Variants in LCLAT1 observed in about 807,000 individuals in gnomAD.
LCLAT1 encodes the protein lysocardiolipin acyltransferase 1, also known as 1-AGP acyltransferase 8.
Under a neutral mutation model 30.7 loss-of-function variants are expected in LCLAT1, and 11 were observed. The ratio of observed to expected loss-of-function variants is 0.36; its 90% CI spans 0.23 to 0.59. LCLAT1 has a LOEUF of 0.59. Among genes scored for constraint, LCLAT1 ranks in the 20% least tolerant of loss-of-function variants. The pLI is 0.77. For synonymous variants in LCLAT1, 155 were observed against 151.3 expected, an observed-to-expected ratio of 1.02 and a Z score of -0.18; for missense variants, 402 against 458.6, an observed-to-expected ratio of 0.88 and a Z score of 1.13.
chr2:30,561,392 G>A (rs1665213709), intron 3 of LCLAT1, among the ~76,000 whole-genome samples: 2 of 152,142 alleles, frequency 1.3e-5, no homozygotes, highest in Non-Finnish European at 2.9e-5. Flanking sequence ...TCCTGTGTTT[G>A]TCCATGCTCT....
intron 1 of LCLAT1, among the ~76,000 whole-genome samples, chr2:30,488,829 C>A (rs1683689618): frequency 6.6e-6 from 1 of 152,172 alleles, no homozygotes; most frequent in African/African-American, 2.4e-5. Flanking sequence ...TGTCTGTTTC[C>A]AATATCATTA....
intron 3 of LCLAT1, among the ~76,000 whole-genome samples, chr2:30,536,986 C>T (rs372273891): frequency 1.3e-5 from 2 of 151,544 alleles, no homozygotes; most frequent in Non-Finnish European, 2.9e-5. Flanking sequence ...TGACTTCACC[C>T]GTGAAGAAAC....
intron 5 of LCLAT1, among the ~76,000 whole-genome samples, chr2:30,584,086 CATT>C (rs908197483): frequency 6.6e-6 from 1 of 152,100 alleles, no homozygotes; most frequent in Non-Finnish European, 1.5e-5. Flanking sequence ...CATGTGTTCT[CATT>C]GTTCAACTCC....
At chr2:30,599,519 A>ATCTT (rs1390321715) in intron 5 of LCLAT1, among the ~76,000 whole-genome samples, 1 of 152,136 alleles carries the variant, frequency 6.6e-6, no homozygotes, top group Non-Finnish European at 1.5e-5. Context: ...AGTCCTAAAT[A>ATCTT]TCTTTGTTAA....
intron 1 of LCLAT1, among the ~76,000 whole-genome samples, chr2:30,448,844 G>A (rs1681398693): frequency 1.3e-5 from 2 of 150,972 alleles, no homozygotes; most frequent in African/African-American, 4.8e-5. Context: ...TTCACTATTG[G>A]TGTCTTATCT....
chr2:30,543,288 A>G (rs914146108), intron 3 of LCLAT1, among the ~76,000 whole-genome samples: 3 of 152,140 alleles, frequency 2.0e-5, no homozygotes, highest in Non-Finnish European at 2.9e-5. Context: ...CTGATGGTAA[A>G]CTAACCTTAC....
intron 3 of LCLAT1, among the ~76,000 whole-genome samples, chr2:30,539,392 A>G (rs1451520356): frequency 6.6e-6 from 1 of 151,316 alleles, no homozygotes; most frequent in Admixed American, 6.6e-5. Flanking sequence ...AGCTAAAACT[A>G]TTAATCCAAG....
intron 1 of LCLAT1, among the ~76,000 whole-genome samples, chr2:30,474,073 A>T (rs1347925001): frequency 6.6e-6 from 1 of 152,204 alleles, no homozygotes; most frequent in African/African-American, 2.4e-5. Flanking sequence ...TGTTAAAGAA[A>T]AACTCATAAT....
intron 1 of LCLAT1, chr2:30,447,625 C>T (rs924082876): frequency 1.3e-5 from 2 of 152,472 alleles, no homozygotes; most frequent in African/African-American, 4.8e-5. Flanking sequence ...TGGAGGCTGG[C>T]TGAGGCGTCA....
At chr2:30,581,378 A>G (rs531926565) in intron 5 of LCLAT1, among the ~76,000 whole-genome samples, 7 of 152,316 alleles carry the variant, frequency 4.6e-5, no homozygotes, top group African/African-American at 1.4e-4. Context: ...GTCTTCTACA[A>G]CAGTTGAACC....
chr2:30,459,874 T>C, intron 1 of LCLAT1: 1 of 546,018 alleles, frequency 1.8e-6, no homozygotes, highest in South Asian at 2.7e-5. Context: ...CATTGAAAAA[T>C]AAGCATTCAT....
chr2:30,450,563 AT>A lies in LCLAT1; in HGVS notation c.-5+3182del, dbSNP rs1449288023. The stretch of plus-strand genomic sequence containing the variant: ...TTTTGAATATATTTGTACAGAAATC[AT>A]TGTAATATGGAAGTAATCACTGATG... On this transcript the variant is annotated intron_variant, in intron 1 of 5. Coordinates refer to ENST00000379509, the MANE Select transcript of LCLAT1 (RefSeq NM_001002257.3). Among the ~76,000 whole-genome samples the A allele has an allele frequency of 2.0e-5, 3 of 152,346 alleles. No homozygotes were observed. The East Asian group carries it at 5.8e-4, about 29-fold the overall frequency.
intron 3 of LCLAT1, among the ~76,000 whole-genome samples, chr2:30,547,232 T>G (rs1199465019): frequency 1.3e-5 from 2 of 152,206 alleles, no homozygotes; most frequent in Non-Finnish European, 2.9e-5. Flanking sequence ...TCCTAGCTAC[T>G]TATTAACTAT....
Position 30,640,188 on chromosome 2 carries a change from C to G in LCLAT1, c.700C>G (p.Leu234Val), listed in dbSNP as rs1420057832. The change falls in exon 6 of 6, where the codon CTC (leucine) becomes GTC (valine). Residue 234 changes from leucine to valine, a missense_variant. Transcript: ENST00000379509. ...PHNIPQSEKH[L>V]LQGDFPREIH... ...CAACATTCCTCAATCAGAGAAGCAC[C>G]TCCTCCAAGGAGACTTTCCCAGGGA... 5.6e-6 allele frequency: 9 copies of G among 1,614,174 alleles called. No individual in the cohort carries two copies. Among genetic ancestry groups the G allele is most frequent in the Non-Finnish European group, 7.6e-6 (9 of 1,180,012 alleles).
chr2:30,565,516 T>A (rs1464655628), intron 4 of LCLAT1, among the ~76,000 whole-genome samples: 1 of 152,204 alleles, frequency 6.6e-6, no homozygotes, highest in Non-Finnish European at 1.5e-5. Context: ...AAAGTTGACA[T>A]ATAAAATTAG....
chr2:30,536,513 C>G (rs1345541718), intron 3 of LCLAT1, among the ~76,000 whole-genome samples: 1 of 152,090 alleles, frequency 6.6e-6, no homozygotes, highest in Admixed American at 6.5e-5. Context: ...AAACTGTCAG[C>G]CGAGGATACT....
chr2:30,541,067 T>G (rs1664115461), intron 3 of LCLAT1, among the ~76,000 whole-genome samples: 1 of 152,250 alleles, frequency 6.6e-6, no homozygotes. Flanking sequence ...ATTAACATTT[T>G]GTCTGGGGTG....
At chr2:30,604,468 AAATG>A (rs754247533) in intron 5 of LCLAT1, among the ~76,000 whole-genome samples, 8 of 152,174 alleles carry the variant, frequency 5.3e-5, no homozygotes, top group Non-Finnish European at 5.9e-5. Context: ...TACTGCAAAT[AAATG>A]AATGAGTATG....
At chr2:30,522,549 A>C (rs1685527459) in intron 1 of LCLAT1, among the ~76,000 whole-genome samples, 1 of 152,200 alleles carries the variant, frequency 6.6e-6, no homozygotes, top group Non-Finnish European at 1.5e-5. Flanking sequence ...GATTTGTGAG[A>C]GCTTTGCAAT....
Sources: allele counts gnomAD v4.1 joint callset (sites outside exome capture counted in the v4.1 genomes callset), GRCh38; gene constraint gnomAD v4.1.1; transcripts MANE v1.5; gene names NCBI Gene and HGNC (gene_info 2026-07-23, HGNC 2026-07-21).